Variants in HYKK observed in about 807,000 individuals in gnomAD.
HYKK encodes 5-hydroxy-L-lysine kinase.
A neutral mutation model predicts 29.7 loss-of-function variants in HYKK; 19 were observed. The observed-to-expected ratio is 0.64, with a 90% CI of 0.45 to 0.94. The LOEUF (loss-of-function observed/expected upper bound fraction) is 0.94. Ranked by LOEUF, HYKK falls within the 40% of genes least tolerant of loss-of-function variation. HYKK has a pLI of 0.00. For missense variants in HYKK, 390 were observed against 443.4 expected, an observed-to-expected ratio of 0.88 and a Z score of 1.08; for synonymous variants, 152 against 158.1, an observed-to-expected ratio of 0.96 and a Z score of 0.29.
At position 78,514,908 on chromosome 15, in the gene HYKK, C is replaced by CTCTCTCTCTCTATATATATA. The variant is rs766004199; in HGVS notation, c.338-59_338-58insCTCTCTCTCTATATATATAT. On this transcript the variant is annotated intron_variant, in intron 2 of 4. Transcript: ENST00000388988. ...TAAATACCTCTCTCTCTCTCTCTCT[C>CTCTCTCTCTCTATATATATA]TATATATATATATATATATAAATAA... 350 of 385,430 alleles carry CTCTCTCTCTCTATATATATA rather than the reference C, an allele frequency of 9.1e-4. 1 individual carries two copies. The highest frequency in any genetic ancestry group is 7.9e-3 in the African/African-American group (320 of 40,428). 23.9% of individuals were successfully genotyped at this position (385,430 alleles called of 1,614,324 possible). A position where few individuals can be genotyped will look rare whatever the true frequency, so the allele number is the denominator to read the frequency against.
rs1490829022 is a variant in HYKK, at chr15:78,536,189, T to A, written c.*2519T>A. On this transcript the variant is annotated 3_prime_UTR_variant, in exon 5 of 5. Coordinates refer to ENST00000388988, the MANE Select transcript of HYKK (RefSeq NM_001013619.4). The stretch of plus-strand genomic sequence containing the variant: ...AGCTGAAAAAGTAAAAATAATTTCC[T>A]CAAAGACAGCCAGGGCTTAAATCAG... 1.3e-5 allele frequency: 2 copies of A among 152,134 alleles called. No homozygotes were observed. The highest frequency in any genetic ancestry group is 2.9e-5 in the Non-Finnish European group (2 of 68,038). 9.4% of individuals were successfully genotyped at this position (152,134 alleles called of 1,614,324 possible). A position where few individuals can be genotyped will look rare whatever the true frequency, so the allele number is the denominator to read the frequency against.
intron 3 of HYKK, among the ~76,000 whole-genome samples, chr15:78,522,103 C>T (rs1178303211): frequency 6.6e-6 from 1 of 151,792 alleles, no homozygotes; most frequent in Non-Finnish European, 1.5e-5. Flanking sequence ...AGCCATGACG[C>T]CCAGCTATTT....
intron 4 of HYKK, chr15:78,527,874 A>G (rs540155357): frequency 2.6e-6 from 1 of 386,868 alleles, no homozygotes; most frequent in Non-Finnish European, 3.7e-6. Context: ...CACACTGTGT[A>G]TTATTATTCT....
At chr15:78,525,189 T>G (rs1356215710) in intron 3 of HYKK, among the ~76,000 whole-genome samples, 3 of 152,166 alleles carry the variant, frequency 2.0e-5, no homozygotes, top group African/African-American at 7.2e-5. Context: ...GGAGTCTCGC[T>G]CTGTCGCCCA....
chr15:78,533,504 T>G lies in HYKK; in HGVS notation c.956T>G (p.Met319Arg). ...AGTCGTTTTTGTCAGTCACTTGTCA[T>G]GGCTGCATACTCTTGCCAGCTATAC... ...VCSRFCQSLV[M>R]AAYSCQLYPE... Residue 319 changes from methionine to arginine, a missense_variant, in exon 5 of 5, where the codon ATG becomes AGG. By Grantham distance (91) the Met-to-Arg change is moderately conservative. Transcript: ENST00000388988. The G allele has an allele frequency of 3.1e-6, 5 of 1,611,550 alleles. No individual in the cohort carries two copies. The highest frequency in any genetic ancestry group is 4.2e-6 in the Non-Finnish European group (5 of 1,178,014).
intron 3 of HYKK, among the ~76,000 whole-genome samples, chr15:78,516,731 A>T (rs1318870060): frequency 1.3e-5 from 2 of 151,990 alleles, no homozygotes; most frequent in Non-Finnish European, 2.9e-5. Context: ...TACAGAAAAG[A>T]GGTTTAGGCC....
At chr15:78,531,506 A>G (rs1298627869) in intron 4 of HYKK, among the ~76,000 whole-genome samples, 1 of 152,000 alleles carries the variant, frequency 6.6e-6, no homozygotes, top group East Asian at 1.9e-4. Context: ...TTTTGCTTGT[A>G]TTTCTGTCAA....
At chr15:78,537,008 G>A (rs1206325348), downstream of HYKK, among the ~76,000 whole-genome samples, 1 of 152,130 alleles carries the variant, frequency 6.6e-6, no homozygotes. Flanking sequence ...TCAAACTCCA[G>A]GACTTAACCA....
chr15:78,528,568 CG>C (rs1365192629), intron 4 of HYKK: 51 of 921,492 alleles, frequency 5.5e-5, no homozygotes, highest in Non-Finnish European at 6.2e-5. Flanking sequence ...TTTGGGAGGC[CG>C]AGGTGGGTGG....
chr15:78,514,101 GT>G (rs997950960), intron 2 of HYKK, among the ~76,000 whole-genome samples: 16 of 141,010 alleles, frequency 1.1e-4, no homozygotes, highest in Admixed American at 1.4e-4. Context: ...CTGTTTTTTT[GT>G]TTTTTTTTTT....
At chr15:78,537,034 C>G (rs1041737818), downstream of HYKK, among the ~76,000 whole-genome samples, 3 of 152,168 alleles carry the variant, frequency 2.0e-5, no homozygotes. Context: ...CCCTCAGGTT[C>G]TTAGGTCCTC....
intron 4 of HYKK, chr15:78,527,764 C>T: frequency 7.6e-7 from 1 of 1,321,782 alleles, no homozygotes; most frequent in Non-Finnish European, 9.7e-7. Context: ...TTACATGAGT[C>T]TACCTCTCTT....
At chr15:78,525,370 A>G (rs959698153) in intron 3 of HYKK, among the ~76,000 whole-genome samples, 10 of 151,698 alleles carry the variant, frequency 6.6e-5, no homozygotes, top group Admixed American at 3.3e-4. Flanking sequence ...GTTAGCCAGG[A>G]TGGTCTCGAT....
At chr15:78,521,308 A>G (rs1340629832) in intron 3 of HYKK, among the ~76,000 whole-genome samples, 1 of 152,098 alleles carries the variant, frequency 6.6e-6, no homozygotes, top group Non-Finnish European at 1.5e-5. Context: ...AGGAGATTTC[A>G]TTAATTATAA....
intron 4 of HYKK, among the ~76,000 whole-genome samples, chr15:78,532,694 G>A (rs1305270625): frequency 2.0e-5 from 3 of 152,100 alleles, no homozygotes; most frequent in African/African-American, 7.2e-5. Flanking sequence ...CTACTCAGGA[G>A]GCTGAGGCAG....
intron 3 of HYKK, among the ~76,000 whole-genome samples, chr15:78,523,788 AC>A (rs2052222172): frequency 6.6e-6 from 1 of 152,248 alleles, no homozygotes; most frequent in Non-Finnish European, 1.5e-5. Flanking sequence ...AGAAGGGACT[AC>A]AGGCCTCATG....
Position 78,510,355 on chromosome 15 carries a change from T to A in HYKK, c.-6+2684T>A, listed in dbSNP as rs138515057. 5.2e-3 allele frequency among the ~76,000 whole-genome samples: 786 copies of A among 151,964 alleles called. 12 individuals are homozygous for A. The highest frequency in any genetic ancestry group is 0.017 in the African/African-American group (704 of 41,406). ...CCGGCCACCATGCCCGGCTAATTTTTTTTTTATTTTTATTTTTATTTTTAG... is the reference window on the plus strand; with the variant it reads ...CCGGCCACCATGCCCGGCTAATTTTATTTTTATTTTTATTTTTATTTTTAG... On this transcript the variant is annotated intron_variant, in intron 1 of 4. Coordinates refer to ENST00000388988, the MANE Select transcript of HYKK (RefSeq NM_001013619.4).
At chr15:78,531,620 A>C (rs1323090907) in intron 4 of HYKK, among the ~76,000 whole-genome samples, 1 of 152,052 alleles carries the variant, frequency 6.6e-6, no homozygotes, top group African/African-American at 2.4e-5. Flanking sequence ...CAATCTCTGC[A>C]TCCCAGGTTC....
rs1039173591 is a variant in HYKK at position 78,535,424 on chromosome 15, A to C, written c.*1754A>C. On this transcript the variant is annotated 3_prime_UTR_variant, in exon 5 of 5. Coordinates refer to ENST00000388988, the MANE Select transcript of HYKK (RefSeq NM_001013619.4). ...CAGGCATGTGCCACCATGTCTGGCT[A>C]ATTCTTTAATTTTTTGTAGAGATTG... 6.6e-6 allele frequency: 1 copy of C among 151,502 alleles called. No individual in the cohort carries two copies. The highest frequency in any genetic ancestry group is 1.5e-5 in the Non-Finnish European group (1 of 67,910). The allele number at this position is 151,502 out of a possible 1,614,324, so 9.4% of individuals were successfully genotyped here.
Sources: allele counts gnomAD v4.1 joint callset (sites outside exome capture counted in the v4.1 genomes callset), GRCh38; gene constraint gnomAD v4.1.1; transcripts MANE v1.5; gene names NCBI Gene and HGNC (gene_info 2026-07-23, HGNC 2026-07-21).